The following ADCY2 variants were observed in gnomAD, a reference collection of about 807,000 sequenced individuals.
ADCY2 encodes the protein adenylate cyclase type 2.
In ADCY2, 31 loss-of-function variants were observed where a neutral mutation model predicts 125.2. The observed-to-expected ratio is 0.25, with a 90% CI of 0.19 to 0.33. ADCY2 has a LOEUF of 0.33. Among genes scored for constraint, ADCY2 ranks in the 10% least tolerant of loss-of-function variants. The probability of loss-of-function intolerance (pLI) is 1.00; values close to 1 mark genes in which losing one functional copy is unlikely to be tolerated. For synonymous variants in ADCY2, 512 were observed against 548.4 expected (o/e 0.93, Z 0.93); for missense variants, 904 against 1,418.2 (o/e 0.64, Z 5.82).
At chr5:7,727,315 A>T in intron 14 of ADCY2, 54 bp downstream of exon 14, 1 of 1,394,328 alleles carries the variant, frequency 7.2e-7, no homozygotes, top group Non-Finnish European at 1.0e-6. Context: ...TTTCCACTGG[A>T]GCCCAGTTAT....
intron 16 of ADCY2, among the ~76,000 whole-genome samples, chr5:7,763,071 G>T (rs1743278788): frequency 6.6e-6 from 1 of 151,490 alleles, no homozygotes; most frequent in African/African-American, 2.4e-5. Flanking sequence ...TTGTTTGTTT[G>T]TTTGTTTGTT....
intron 2 of ADCY2, among the ~76,000 whole-genome samples, chr5:7,440,195 A>G (rs753611267): frequency 2.6e-5 from 4 of 152,194 alleles, no homozygotes; most frequent in Non-Finnish European, 4.4e-5. Context: ...TAGAGTGGAC[A>G]TCTATCCAGT....
intron 4 of ADCY2, among the ~76,000 whole-genome samples, chr5:7,669,355 G>A (rs1739858071): frequency 6.6e-6 from 1 of 152,180 alleles, no homozygotes; most frequent in African/African-American, 2.4e-5. Flanking sequence ...GTAGGTCAGA[G>A]GGCTGAGTTT....
chr5:7,769,786 C>G (rs546331967), intron 17 of ADCY2, among the ~76,000 whole-genome samples: 3 of 152,294 alleles, frequency 2.0e-5, no homozygotes, highest in Admixed American at 1.3e-4. Context: ...GACCCAGAGA[C>G]TTTAGTGTTG....
chr5:7,414,731 G>A lies in ADCY2; in HGVS notation c.369G>A (p.Leu123=). Residue 123 remains leucine (L), a synonymous_variant, in exon 2 of 25, where the codon CTG becomes CTA. Transcript: ENST00000338316. ...IWICLVAMGY[L]FMCFGGTVSP... ...TATGCCTTGTTGCCATGGGATACCT[G>A]TTCATGTGTTTTGGAGGCACCGTCT... 6.2e-7 allele frequency: 1 copy of A among 1,613,590 alleles called. No homozygotes were observed.
chr5:7,613,276 CTCAA>C lies in ADCY2; in HGVS notation c.571-12890_571-12887del, dbSNP rs1267334282. Among the ~76,000 whole-genome samples the C allele has an allele frequency of 2.0e-5, 3 of 152,298 alleles. No individual in the cohort carries two copies. The East Asian group carries it at 5.8e-4, about 29-fold the overall frequency. On this transcript the variant is annotated intron_variant, in intron 3 of 24. Transcript: ENST00000338316. The stretch of plus-strand genomic sequence containing the variant: ...CCAGAGATGGAGAAGGCACAAATAG[CTCAA>C]CTACAGAAATGCAGGCTGATATGGT...
At chr5:7,644,774 C>A (rs1261806307) in intron 4 of ADCY2, among the ~76,000 whole-genome samples, 3 of 151,976 alleles carry the variant, frequency 2.0e-5, no homozygotes, top group Admixed American at 1.3e-4. Context: ...TTATATAATT[C>A]TTTGTATATA....
chr5:7,762,812 G>C (rs535255770), intron 16 of ADCY2, among the ~76,000 whole-genome samples: 170 of 152,126 alleles, frequency 1.1e-3, no homozygotes, highest in African/African-American at 3.8e-3. Context: ...AACCCAGTGA[G>C]ACTAATCCAG....
intron 2 of ADCY2, among the ~76,000 whole-genome samples, chr5:7,501,871 G>A (rs1169927844): frequency 6.6e-6 from 1 of 152,062 alleles, no homozygotes; most frequent in Admixed American, 6.6e-5. Context: ...CCACTAACAG[G>A]AGGACCCACA....
At chr5:7,682,901 G>A (rs1740388443) in intron 4 of ADCY2, among the ~76,000 whole-genome samples, 1 of 152,212 alleles carries the variant, frequency 6.6e-6, no homozygotes, top group African/African-American at 2.4e-5. Context: ...GAATTATCAT[G>A]ACTCCAGCTT....
At chr5:7,711,747 C>T (rs1741445745) in intron 10 of ADCY2, among the ~76,000 whole-genome samples, 1 of 152,162 alleles carries the variant, frequency 6.6e-6, no homozygotes. Context: ...AATCAAAGGA[C>T]CTCTTGAACG....
At chr5:7,570,123 C>T (rs960229385) in intron 3 of ADCY2, among the ~76,000 whole-genome samples, 1 of 151,902 alleles carries the variant, frequency 6.6e-6, no homozygotes, top group Middle Eastern at 3.2e-3. Flanking sequence ...TTAAGCTTTT[C>T]CCTGAATGAT....
At chr5:7,545,528 C>A (rs1050338222) in intron 3 of ADCY2, among the ~76,000 whole-genome samples, 2 of 152,224 alleles carry the variant, frequency 1.3e-5, no homozygotes, top group East Asian at 3.9e-4. Context: ...CTGCTCTCGA[C>A]GTGTAGAAGT....
intron 2 of ADCY2, among the ~76,000 whole-genome samples, chr5:7,498,527 C>T (rs549681488): frequency 2.6e-5 from 4 of 152,232 alleles, no homozygotes; most frequent in East Asian, 3.9e-4. Flanking sequence ...GGATTACAGG[C>T]GTGAGCCACC....
At chr5:7,818,275 C>T (rs975910936) in intron 23 of ADCY2, among the ~76,000 whole-genome samples, 1 of 152,034 alleles carries the variant, frequency 6.6e-6, no homozygotes, top group African/African-American at 2.4e-5. Context: ...TATGTTACAT[C>T]TCTTTCACAA....
chr5:7,813,735 CTTT>C (rs1447881461), intron 22 of ADCY2, among the ~76,000 whole-genome samples: 5 of 152,328 alleles, frequency 3.3e-5, no homozygotes, highest in African/African-American at 1.2e-4. Flanking sequence ...TCAATCTCTT[CTTT>C]TATTACTGAC....
intron 3 of ADCY2, among the ~76,000 whole-genome samples, chr5:7,545,966 A>G (rs1735135057): frequency 6.6e-6 from 1 of 152,160 alleles, no homozygotes; most frequent in South Asian, 2.1e-4. Context: ...AGAAATTTCT[A>G]CTTCCTAATG....
At chr5:7,696,632 A>G (rs1171965037) in intron 6 of ADCY2, among the ~76,000 whole-genome samples, 2 of 152,256 alleles carry the variant, frequency 1.3e-5, no homozygotes, top group East Asian at 3.8e-4. Context: ...GCCTACTAAT[A>G]TCAGTTATTT....
intron 3 of ADCY2, among the ~76,000 whole-genome samples, chr5:7,569,205 A>G (rs1735997858): frequency 6.6e-6 from 1 of 152,104 alleles, no homozygotes; most frequent in South Asian, 2.1e-4. Context: ...ACACCTAAGC[A>G]ACACCTAAGG....
Sources: gnomAD v4.1 joint callset for allele counts (sites outside exome capture counted in the v4.1 genomes callset) on GRCh38, gnomAD v4.1.1 for gene constraint, MANE v1.5 for transcripts, NCBI Gene and HGNC (gene_info 2026-07-23, HGNC 2026-07-21) for gene names.